Variants in TAS2R1 observed in about 807,000 individuals in gnomAD.
The protein encoded by TAS2R1 is taste receptor type 2 member 1.
For synonymous variants in TAS2R1, 141 were observed against 134.2 expected, an observed-to-expected ratio of 1.05 and a Z score of -0.35; for missense variants, 370 against 353.4, an observed-to-expected ratio of 1.05 and a Z score of -0.38.
intron 2 of TAS2R1, among the ~76,000 whole-genome samples, chr5:9,648,167 C>A (rs1430440651): frequency 6.6e-6 from 1 of 152,018 alleles, no homozygotes; most frequent in Non-Finnish European, 1.5e-5. Context: ...GGAGAGAATA[C>A]TTCAACATGC....
At chr5:9,788,189 G>A in the TAS2R1 span, among the ~76,000 whole-genome samples, 1 of 152,228 alleles carries the variant, frequency 6.6e-6, no homozygotes, top group African/African-American at 2.4e-5. Flanking sequence ...ACATAGAAAG[G>A]TATATGTGTG....
the TAS2R1 span, among the ~76,000 whole-genome samples, chr5:9,866,798 T>C: frequency 6.6e-6 from 1 of 152,258 alleles, no homozygotes; most frequent in African/African-American, 2.4e-5. Context: ...ACTTGCCTTC[T>C]AGGCAAAAGC....
At chr5:9,700,842 A>G (rs757748129) in intron 1 of TAS2R1, among the ~76,000 whole-genome samples, 1 of 152,076 alleles carries the variant, frequency 6.6e-6, no homozygotes, top group East Asian at 1.9e-4. Flanking sequence ...GATGCCGGTC[A>G]TGTTAGATTT....
At chr5:9,839,894 T>A in the TAS2R1 span, among the ~76,000 whole-genome samples, 165 of 152,296 alleles carry the variant, frequency 1.1e-3, no homozygotes, top group African/African-American at 3.9e-3. Context: ...TGTAATCGAT[T>A]TTTATATTTC....
the TAS2R1 span, among the ~76,000 whole-genome samples, chr5:9,898,776 C>T: frequency 6.6e-6 from 1 of 152,186 alleles, no homozygotes; most frequent in Non-Finnish European, 1.5e-5. Flanking sequence ...GCTGGGCCCT[C>T]CAGATTCCTG....
At chr5:9,768,161 G>C in the TAS2R1 span, among the ~76,000 whole-genome samples, 37 of 152,134 alleles carry the variant, frequency 2.4e-4, no homozygotes, top group Admixed American at 4.6e-4. Flanking sequence ...TCCCTCTCTG[G>C]AGACTGTGCA....
chr5:9,800,412 G>C, the TAS2R1 span, among the ~76,000 whole-genome samples: 2 of 152,200 alleles, frequency 1.3e-5, no homozygotes, highest in African/African-American at 4.8e-5. Context: ...CTCAAATACA[G>C]CAGCCTTTGT....
chr5:9,799,889 G>C, the TAS2R1 span, among the ~76,000 whole-genome samples: 1 of 152,148 alleles, frequency 6.6e-6, no homozygotes, highest in African/African-American at 2.4e-5. Context: ...CAGTATTTCA[G>C]TGGAAACGTT....
At chr5:9,887,240 T>C in the TAS2R1 span, among the ~76,000 whole-genome samples, 1 of 152,258 alleles carries the variant, frequency 6.6e-6, no homozygotes, top group Non-Finnish European at 1.5e-5. Context: ...ATATTGATCT[T>C]TGACATCATC....
chr5:9,760,158 T>C, the TAS2R1 span, among the ~76,000 whole-genome samples: 1 of 152,200 alleles, frequency 6.6e-6, no homozygotes, highest in African/African-American at 2.4e-5. Flanking sequence ...ATATGAGAAG[T>C]AATTTGAATA....
chr5:9,825,224 A>G, the TAS2R1 span, among the ~76,000 whole-genome samples: 149,402 of 152,328 alleles, frequency 0.98, 73,338 homozygotes, highest in East Asian at 1. Context: ...CTGAGACTGC[A>G]TAATTTATAA....
At chr5:9,885,635 A>G in the TAS2R1 span, among the ~76,000 whole-genome samples, 2 of 152,242 alleles carry the variant, frequency 1.3e-5, no homozygotes, top group African/African-American at 4.8e-5. Flanking sequence ...GTTTTTATCA[A>G]TAGTTCCATA....
chr5:9,797,817 T>C, the TAS2R1 span, among the ~76,000 whole-genome samples: 2,530 of 152,312 alleles, frequency 0.017, 63 homozygotes, highest in African/African-American at 0.054. Context: ...AAAATCTACG[T>C]AGATTTTAAA....
chr5:9,720,450 A>G, the TAS2R1 span, among the ~76,000 whole-genome samples: 3 of 152,374 alleles, frequency 2.0e-5, no homozygotes, highest in African/African-American at 7.2e-5. Flanking sequence ...TGTACCTCTG[A>G]AGGCCTAAGG....
the TAS2R1 span, among the ~76,000 whole-genome samples, chr5:9,806,024 G>A: frequency 9.2e-5 from 14 of 152,156 alleles, no homozygotes; most frequent in South Asian, 1.5e-3. Context: ...AAAGCTTCTA[G>A]AACTGGAAAA....
At chr5:9,683,143 C>A in intron 1 of TAS2R1, among the ~76,000 whole-genome samples, 1 of 151,824 alleles carries the variant, frequency 6.6e-6, no homozygotes, top group East Asian at 1.9e-4. Flanking sequence ...TCCTGCAAAC[C>A]TTTGGGTAAT....
the TAS2R1 span, among the ~76,000 whole-genome samples, chr5:9,742,496 C>T: frequency 1.3e-5 from 2 of 152,162 alleles, no homozygotes; most frequent in African/African-American, 4.8e-5. Context: ...AGAAGAAACA[C>T]CAAGTTTTTG....
chr5:9,897,190 C>A, the TAS2R1 span, among the ~76,000 whole-genome samples: 3 of 152,148 alleles, frequency 2.0e-5, no homozygotes, highest in African/African-American at 7.2e-5. Flanking sequence ...GTGGCTCATG[C>A]CTATAATCCC....
At chr5:9,894,038 TA>T in the TAS2R1 span, among the ~76,000 whole-genome samples, 4 of 152,168 alleles carry the variant, frequency 2.6e-5, no homozygotes, top group African/African-American at 9.7e-5. Context: ...ATGAGGTCTT[TA>T]AAGAGGTAAT....
Sources: gnomAD v4.1 joint callset for allele counts (sites outside exome capture counted in the v4.1 genomes callset) on GRCh38, gnomAD v4.1.1 for gene constraint, MANE v1.5 for transcripts, NCBI Gene and HGNC (gene_info 2026-07-23, HGNC 2026-07-21) for gene names.